The following NR3C1 variants were observed in gnomAD, a reference collection of about 807,000 sequenced individuals.
NR3C1 encodes nuclear receptor subfamily 3 group C member 1.
A neutral mutation model predicts 74.0 loss-of-function variants in NR3C1; 14 were observed. The observed-to-expected ratio is 0.19, with a 90% CI of 0.12 to 0.30. The LOEUF is 0.30. NR3C1 is among the 10% of genes least tolerant of loss of function. NR3C1 has a pLI of 1.00. For synonymous variants in NR3C1, 308 were observed against 332.5 expected (o/e 0.93, Z 0.80); for missense variants, 695 against 909.8 (o/e 0.76, Z 3.04).
chr5:143,283,150 A>G (rs192805907), intron 7 of NR3C1, among the ~76,000 whole-genome samples: 4 of 152,232 alleles, frequency 2.6e-5, no homozygotes, highest in Admixed American at 2.0e-4. Context: ...CCAGGATTAC[A>G]GGTGTGAGCC....
chr5:143,395,895 C>G (rs1295196675), intron 2 of NR3C1, among the ~76,000 whole-genome samples: 1 of 151,708 alleles, frequency 6.6e-6, no homozygotes, highest in Non-Finnish European at 1.5e-5. Context: ...TCAAAAGGCC[C>G]CTAAAGTGAT....
chr5:143,349,342 A>C (rs1441036493), intron 2 of NR3C1, among the ~76,000 whole-genome samples: 3 of 152,058 alleles, frequency 2.0e-5, no homozygotes, highest in Non-Finnish European at 2.9e-5. Context: ...CTTCATGATG[A>C]CTCATCATTT....
intron 2 of NR3C1, among the ~76,000 whole-genome samples, chr5:143,361,528 G>T (rs896572943): frequency 1.3e-5 from 2 of 152,126 alleles, no homozygotes; most frequent in Non-Finnish European, 1.5e-5. Flanking sequence ...TTCTCTACTT[G>T]CACCCAACTC....
At chr5:143,349,636 C>T (rs1829897937) in intron 2 of NR3C1, among the ~76,000 whole-genome samples, 1 of 152,156 alleles carries the variant, frequency 6.6e-6, no homozygotes, top group Admixed American at 6.5e-5. Flanking sequence ...CTTTCATAGC[C>T]TTGTTTCCTA....
intron 2 of NR3C1, among the ~76,000 whole-genome samples, chr5:143,351,731 A>G (rs763824308): frequency 2.6e-5 from 4 of 152,204 alleles, no homozygotes; most frequent in Non-Finnish European, 4.4e-5. Context: ...GCTAAGTAAA[A>G]TGACAAAAAA....
chr5:143,433,460 A>ATATTTAATTTATTTATTTAAAT (rs1751957133), intron 1 of NR3C1, among the ~76,000 whole-genome samples: 1 of 146,000 alleles, frequency 6.8e-6, no homozygotes, highest in Non-Finnish European at 1.5e-5. Flanking sequence ...AATTATATAT[A>ATATTTAATTTATTTATTTAAAT]TATATATATA....
In NR3C1 at chr5:143,399,587, T is replaced by C. The variant is rs13306584; in HGVS notation, c.1184+69A>G. 9.6e-4 allele frequency: 1,118 copies of C among 1,159,830 alleles called. 13 individuals are homozygous for C. The East Asian group carries it at 0.019, about 20-fold the overall frequency. 71.8% of individuals were successfully genotyped at this position (1,159,830 alleles called of 1,614,324 possible). ...TCTTTAGAGAACACATATAAATCAA[T>C]GAAGATTTACATCTATTAATCTACC... On this transcript the variant is annotated intron_variant, in intron 2 of 8. Coordinates refer to ENST00000394464, the MANE Select transcript of NR3C1 (RefSeq NM_000176.3).
At chr5:143,343,774 A>T (rs1828687945) in intron 2 of NR3C1, among the ~76,000 whole-genome samples, 1 of 152,230 alleles carries the variant, frequency 6.6e-6, no homozygotes, top group Non-Finnish European at 1.5e-5. Context: ...TTCAGAGATG[A>T]AATCAAAACC....
In NR3C1 at chr5:143,291,358, T is replaced by C. The variant is rs937171274; in HGVS notation, c.2023+4102A>G. On this transcript the variant is annotated intron_variant, in intron 7 of 8. Coordinates refer to ENST00000394464, the MANE Select transcript of NR3C1 (RefSeq NM_000176.3). ...CTCCTGCCTCAGCCTCCTGAGTAGC[T>C]GGGACTACAGGCGCGCACCACCACC... 5.3e-5 allele frequency among the ~76,000 whole-genome samples: 8 copies of C among 152,214 alleles called. No homozygotes were observed. The East Asian group carries it at 7.7e-4, about 15-fold the overall frequency.
chr5:143,356,412 C>A (rs1831149783), intron 2 of NR3C1, among the ~76,000 whole-genome samples: 1 of 151,956 alleles, frequency 6.6e-6, no homozygotes, highest in Admixed American at 6.6e-5. Flanking sequence ...CCCTGATTAT[C>A]AAGAGAAAAA....
At position 143,279,496 on chromosome 5, in the gene NR3C1, T is replaced by TA; in HGVS notation, c.*2392dup. ...GATAAGAATATTCAAGCAGTTTTCT[T>TA]AGGCACCAAAAATTTATCCAGCCGG... is the stretch of plus-strand genomic sequence containing the variant. On this transcript the variant is annotated 3_prime_UTR_variant, in exon 9 of 9. Transcript: ENST00000394464. 1 of 1,377,330 alleles carries TA rather than the reference T, an allele frequency of 7.3e-7. No individual in the cohort carries two copies. The highest frequency in any genetic ancestry group is 9.5e-7 in the Non-Finnish European group (1 of 1,056,684). 85.3% of individuals were successfully genotyped at this position (1,377,330 alleles called of 1,614,324 possible).
chr5:143,345,297 C>T (rs1017171389), intron 2 of NR3C1, among the ~76,000 whole-genome samples: 9 of 152,212 alleles, frequency 5.9e-5, no homozygotes, highest in African/African-American at 1.7e-4. Context: ...GCAACCTCCA[C>T]CTCCCAGGTT....
chr5:143,431,645 C>G (rs1217920170), intron 1 of NR3C1, among the ~76,000 whole-genome samples: 1 of 151,858 alleles, frequency 6.6e-6, no homozygotes, highest in Admixed American at 6.6e-5. Context: ...CACATGTATC[C>G]CAGAACTTAA....
At chr5:143,362,064 C>G (rs1163279513) in intron 2 of NR3C1, among the ~76,000 whole-genome samples, 1 of 152,160 alleles carries the variant, frequency 6.6e-6, no homozygotes, top group Non-Finnish European at 1.5e-5. Flanking sequence ...GAAAAAAGAA[C>G]TCAAGTTCTA....
chr5:143,349,060 CA>C (rs1283072764), intron 2 of NR3C1, among the ~76,000 whole-genome samples: 1 of 152,066 alleles, frequency 6.6e-6, no homozygotes, highest in African/African-American at 2.4e-5. Context: ...GCCTCTTCTA[CA>C]GATTTCTCTC....
At chr5:143,417,137 T>A (rs1222839736) in intron 1 of NR3C1, among the ~76,000 whole-genome samples, 3 of 152,176 alleles carry the variant, frequency 2.0e-5, no homozygotes, top group African/African-American at 7.2e-5. Context: ...TTTGGTAATA[T>A]ATTAACAGTA....
intron 2 of NR3C1, among the ~76,000 whole-genome samples, chr5:143,388,704 G>C (rs562454278): frequency 2.6e-5 from 4 of 152,154 alleles, no homozygotes; most frequent in Non-Finnish European, 5.9e-5. Flanking sequence ...GAACATTTCA[G>C]GTAAATTTTC....
chr5:143,371,826 T>TA (rs887246223), intron 2 of NR3C1, among the ~76,000 whole-genome samples: 1 of 152,252 alleles, frequency 6.6e-6, no homozygotes, highest in Non-Finnish European at 1.5e-5. Flanking sequence ...ATTGCTAAGG[T>TA]AAAATACTAA....
chr5:143,289,120 T>C (rs1277736572), intron 7 of NR3C1, among the ~76,000 whole-genome samples: 1 of 144,746 alleles, frequency 6.9e-6, no homozygotes, highest in African/African-American at 2.5e-5. Context: ...AACTAGAATA[T>C]CCAAAACAAC....
Sources: allele counts gnomAD v4.1 joint callset (sites outside exome capture counted in the v4.1 genomes callset), GRCh38; gene constraint gnomAD v4.1.1; transcripts MANE v1.5; gene names NCBI Gene and HGNC (gene_info 2026-07-23, HGNC 2026-07-21).